UBE2V2: variants seen among roughly 807,000 people sequenced by gnomAD.
UBE2V2 encodes the protein ubiquitin conjugating enzyme E2 V2.
A neutral mutation model predicts 17.2 loss-of-function variants in UBE2V2; 9 were observed. That is an observed-to-expected ratio of 0.52 (90% confidence interval 0.32 to 0.91). UBE2V2 has a LOEUF of 0.91. Ranked by LOEUF, UBE2V2 falls within the 40% of genes least tolerant of loss-of-function variation. The probability of loss-of-function intolerance (pLI) is 0.04; values close to 1 mark genes in which losing one functional copy is unlikely to be tolerated. For synonymous variants in UBE2V2, 61 were observed against 57.5 expected (o/e 1.06, Z -0.28); for missense variants, 133 against 182.6 (o/e 0.73, Z 1.56).
upstream of UBE2V2, among the ~76,000 whole-genome samples, chr8:48,004,271 C>T (rs1263517750): frequency 6.6e-6 from 1 of 152,146 alleles, no homozygotes; most frequent in Non-Finnish European, 1.5e-5. Flanking sequence ...GATAGGTCAG[C>T]TAGAGGCTGT....
In UBE2V2 at chr8:48,061,515, AT is replaced by A. The variant is rs1424357680; in HGVS notation, c.*691del. 6.6e-6 allele frequency: 1 copy of A among 152,638 alleles called. No homozygotes were observed. Among genetic ancestry groups the A allele is most frequent in the Admixed American group, 6.5e-5 (1 of 15,274 alleles). 9.5% of individuals were successfully genotyped at this position (152,638 alleles called of 1,614,324 possible). Reference sequence around the variant, plus strand: ...AAGGAAATAGGTGTATGGATATGTGATTTTGAGATTAAAGTTAGTCTTAAAA... The same window carrying A: ...AAGGAAATAGGTGTATGGATATGTGATTTGAGATTAAAGTTAGTCTTAAAA... On this transcript the variant is annotated 3_prime_UTR_variant, in exon 4 of 4. Transcript: ENST00000523111.
intron 3 of UBE2V2, among the ~76,000 whole-genome samples, chr8:48,053,021 C>T (rs1325933621): frequency 6.6e-6 from 1 of 152,128 alleles, no homozygotes; most frequent in East Asian, 1.9e-4. Context: ...ATTCTGCTGC[C>T]TTAGCCTCCC....
chr8:48,037,373 T>G (rs984941362), intron 1 of UBE2V2, among the ~76,000 whole-genome samples: 17 of 152,268 alleles, frequency 1.1e-4, no homozygotes, highest in Admixed American at 2.6e-4. Context: ...CTTTTGCCTC[T>G]TCTCCCCAGG....
chr8:48,039,929 C>T (rs1011799043), intron 1 of UBE2V2, among the ~76,000 whole-genome samples: 1 of 151,872 alleles, frequency 6.6e-6, no homozygotes, highest in Non-Finnish European at 1.5e-5. Context: ...GGGGTCTTGC[C>T]ATGTTGCCCA....
intron 1 of UBE2V2, among the ~76,000 whole-genome samples, chr8:48,011,058 G>C (rs2154506626): frequency 6.6e-6 from 1 of 151,936 alleles, no homozygotes; most frequent in Admixed American, 6.6e-5. Flanking sequence ...TTTACTATTA[G>C]CTATACTTTT....
At chr8:48,054,456 AC>A (rs1329594777) in intron 3 of UBE2V2, among the ~76,000 whole-genome samples, 1 of 152,116 alleles carries the variant, frequency 6.6e-6, no homozygotes, top group Non-Finnish European at 1.5e-5. Flanking sequence ...AAAAATAAAT[AC>A]TGATTTTAAT....
intron 1 of UBE2V2, among the ~76,000 whole-genome samples, chr8:48,015,066 A>T (rs1234188115): frequency 1.3e-5 from 2 of 151,152 alleles, no homozygotes; most frequent in African/African-American, 2.4e-5. Context: ...AAAAAAAAAA[A>T]AAAAATAAGG....
intron 1 of UBE2V2, among the ~76,000 whole-genome samples, chr8:48,035,588 G>A (rs1325198703): frequency 6.9e-6 from 1 of 144,154 alleles, no homozygotes; most frequent in Non-Finnish European, 1.5e-5. Context: ...TAGCATTTAA[G>A]TCAAATCACA....
chr8:48,015,239 G>A (rs1016306578), intron 1 of UBE2V2, among the ~76,000 whole-genome samples: 8 of 151,864 alleles, frequency 5.3e-5, no homozygotes, highest in Non-Finnish European at 7.4e-5. Flanking sequence ...TTAGCTGGGT[G>A]TGGTGATGTG....
chr8:48,049,557 C>A (rs2091521353), intron 2 of UBE2V2: 1 of 204,892 alleles, frequency 4.9e-6, no homozygotes, highest in African/African-American at 2.3e-5. Context: ...TAATTTGTTA[C>A]AGGCATCATT....
chr8:48,000,205 GT>G, the UBE2V2 span, among the ~76,000 whole-genome samples: 1 of 152,208 alleles, frequency 6.6e-6, no homozygotes, highest in Non-Finnish European at 1.5e-5. Flanking sequence ...TCTCTGGAAT[GT>G]ATGCATGTTG....
At chr8:47,997,992 G>C in the UBE2V2 span, among the ~76,000 whole-genome samples, 1 of 151,992 alleles carries the variant, frequency 6.6e-6, no homozygotes, top group Admixed American at 6.6e-5. Flanking sequence ...AATTTGAAAA[G>C]TAGAGCAAGA....
chr8:48,058,269 C>T (rs1585448551), intron 3 of UBE2V2, among the ~76,000 whole-genome samples: 1 of 151,822 alleles, frequency 6.6e-6, no homozygotes, highest in African/African-American at 2.4e-5. Flanking sequence ...GAGTTCGAGA[C>T]CAGCCTGGCC....
intron 1 of UBE2V2, among the ~76,000 whole-genome samples, chr8:48,040,350 C>T (rs2154507644): frequency 6.6e-6 from 1 of 152,180 alleles, no homozygotes; most frequent in Middle Eastern, 3.4e-3. Context: ...TATCTACCAG[C>T]CCTATTCAGA....
rs1802625155 is a variant in UBE2V2 at position 48,063,582 on chromosome 8, T to G, written c.*2754T>G. Reference sequence around the variant, plus strand: ...AGGTCAGTGTTATGATTTAATGGTTTTAATTACTTAACCAATTTTAAGAAT... The same window carrying G: ...AGGTCAGTGTTATGATTTAATGGTTGTAATTACTTAACCAATTTTAAGAAT... On this transcript the variant is annotated 3_prime_UTR_variant, in exon 4 of 4. Transcript: ENST00000523111. The G allele has an allele frequency of 6.6e-6, 1 of 152,210 alleles. No individual in the cohort carries two copies. Among genetic ancestry groups the G allele is most frequent in the African/African-American group, 2.4e-5 (1 of 41,442 alleles). 9.4% of individuals were successfully genotyped at this position (152,210 alleles called of 1,614,324 possible). A position where few individuals can be genotyped will look rare whatever the true frequency, so the allele number is the denominator to read the frequency against.
At position 48,023,701 on chromosome 8, in the gene UBE2V2, A is replaced by G. The variant is rs537403775; in HGVS notation, c.16+15231A>G. ...AGCCTGGCCAACATGGTGATACCCTATCTCTATTAAAAATGCAAAAAAAAA... is the reference window on the plus strand; with the variant it reads ...AGCCTGGCCAACATGGTGATACCCTGTCTCTATTAAAAATGCAAAAAAAAA... On this transcript the variant is annotated intron_variant, in intron 1 of 3. Coordinates refer to ENST00000523111, the MANE Select transcript of UBE2V2 (RefSeq NM_003350.3). Among the ~76,000 whole-genome samples, 102 of 151,818 alleles carry G rather than the reference A, an allele frequency of 6.7e-4. 1 individual carries two copies. Among genetic ancestry groups the G allele is most frequent in the East Asian group, 2.0e-4 (1 of 5,100 alleles).
the UBE2V2 span, among the ~76,000 whole-genome samples, chr8:48,000,957 C>T: frequency 3.2e-4 from 49 of 151,634 alleles, no homozygotes; most frequent in Non-Finnish European, 5.9e-4. Flanking sequence ...GATGCATTGA[C>T]GACTTGAGGC....
intron 1 of UBE2V2, among the ~76,000 whole-genome samples, chr8:48,031,076 G>A (rs945591245): frequency 1.3e-5 from 2 of 151,962 alleles, no homozygotes; most frequent in Admixed American, 1.3e-4. Flanking sequence ...AGGTGTGGTG[G>A]CAGGCACCTG....
intron 1 of UBE2V2, among the ~76,000 whole-genome samples, chr8:48,026,024 T>A (rs1273051146): frequency 6.6e-6 from 1 of 152,204 alleles, no homozygotes; most frequent in Non-Finnish European, 1.5e-5. Flanking sequence ...TGATGAGTTA[T>A]CCTAAACATT....
Sources: gnomAD v4.1 joint callset for allele counts (sites outside exome capture counted in the v4.1 genomes callset) on GRCh38, gnomAD v4.1.1 for gene constraint, MANE v1.5 for transcripts, NCBI Gene and HGNC (gene_info 2026-07-23, HGNC 2026-07-21) for gene names.